KIF18A: variants seen among roughly 807,000 people sequenced by gnomAD.
The protein encoded by KIF18A is kinesin family member 18A.
A neutral mutation model predicts 103.3 loss-of-function variants in KIF18A; 67 were observed. The observed-to-expected ratio is 0.65, with a 90% CI of 0.53 to 0.79. The LOEUF (loss-of-function observed/expected upper bound fraction) is 0.79, where lower values mean the gene tolerates loss of function less well. Among genes scored for constraint, KIF18A ranks in the 30% least tolerant of loss-of-function variants. KIF18A has a pLI of 0.00. For missense variants in KIF18A, 1,032 were observed against 1,062.5 expected (o/e 0.97, Z 0.40); for synonymous variants, 367 against 355.5 (o/e 1.03, Z -0.36).
chr11:28,078,504 T>A (rs1052945977), intron 9 of KIF18A, among the ~76,000 whole-genome samples: 1 of 152,098 alleles, frequency 6.6e-6, no homozygotes, highest in Admixed American at 6.6e-5. Flanking sequence ...AGGAAGGGAA[T>A]TGGTATCAAA....
At chr11:28,085,917 T>C (rs2133555756) in intron 6 of KIF18A, among the ~76,000 whole-genome samples, 1 of 152,314 alleles carries the variant, frequency 6.6e-6, no homozygotes, top group Middle Eastern at 3.4e-3. Context: ...ATTGAGGTGA[T>C]GACAAAGAAT....
chr11:28,092,738 T>C (rs1039244705), intron 3 of KIF18A, among the ~76,000 whole-genome samples: 5 of 151,836 alleles, frequency 3.3e-5, no homozygotes, highest in Admixed American at 6.5e-5. Context: ...AAGTAGCTCA[T>C]AGTGATAATT....
At chr11:28,091,353 T>C (rs1291087725) in intron 4 of KIF18A, 56 bp downstream of exon 4, 35 of 911,246 alleles carry the variant, frequency 3.8e-5, no homozygotes, top group South Asian at 7.7e-5. Context: ...CTGGTGAAAA[T>C]AGCTTAATAG....
At chr11:28,091,367 C>T in intron 4 of KIF18A, 42 bp downstream of exon 4, 1 of 1,055,932 alleles carries the variant, frequency 9.5e-7, no homozygotes, top group Non-Finnish European at 1.5e-6. Context: ...TTAATAGTCA[C>T]ATTTGCTATT....
At chr11:28,075,155 CTT>C (rs1275981644) in intron 10 of KIF18A, among the ~76,000 whole-genome samples, 1 of 152,106 alleles carries the variant, frequency 6.6e-6, no homozygotes, top group African/African-American at 2.4e-5. Context: ...GACTTTTCTT[CTT>C]GTTACATGAA....
intron 1 of KIF18A, among the ~76,000 whole-genome samples, chr11:28,102,483 C>A (rs181688317): frequency 6.6e-6 from 1 of 152,154 alleles, no homozygotes; most frequent in Admixed American, 6.5e-5. Flanking sequence ...TGTACACTGA[C>A]CACTTTGGGC....
intron 11 of KIF18A, among the ~76,000 whole-genome samples, chr11:28,064,033 C>T (rs963383777): frequency 6.6e-6 from 1 of 151,388 alleles, no homozygotes; most frequent in African/African-American, 2.4e-5. Flanking sequence ...AACAATGTCA[C>T]TCATCCTATT....
intron 11 of KIF18A, among the ~76,000 whole-genome samples, chr11:28,066,524 C>G (rs1312004788): frequency 1.3e-5 from 2 of 151,534 alleles, no homozygotes; most frequent in East Asian, 3.9e-4. Flanking sequence ...TTTGCTTACT[C>G]CTTTTGAGTC....
chr11:28,049,868 C>T (rs1850690591), intron 13 of KIF18A, among the ~76,000 whole-genome samples: 1 of 151,770 alleles, frequency 6.6e-6, no homozygotes, highest in Non-Finnish European at 1.5e-5. Flanking sequence ...TGAATTTTAA[C>T]TATTTATAAG....
chr11:28,021,507 G>A (rs962880039), intron 16 of KIF18A, among the ~76,000 whole-genome samples: 17 of 152,120 alleles, frequency 1.1e-4, no homozygotes, highest in African/African-American at 3.4e-4. Flanking sequence ...CAGTGAGTGC[G>A]TGCACATACA....
At chr11:28,059,601 T>C (rs1850832743) in intron 12 of KIF18A, among the ~76,000 whole-genome samples, 1 of 152,054 alleles carries the variant, frequency 6.6e-6, no homozygotes, top group Non-Finnish European at 1.5e-5. Flanking sequence ...TGACTAATTT[T>C]TTTATTTTTT....
At position 28,097,906 on chromosome 11, in the gene KIF18A, T is replaced by C. The variant is rs765590347; in HGVS notation, c.42A>G (p.Val14=). 3.1e-6 allele frequency: 5 copies of C among 1,601,450 alleles called. No individual in the cohort carries two copies. The highest frequency in any genetic ancestry group is 1.7e-4 in the Middle Eastern group (1 of 6,018). ...TGTTTTCCGGACGTACACGAACTAC[T>C]ACTTTCATATGGTGGCACAGGTCTT... is the stretch of plus-strand genomic sequence containing the variant. ...TEEDLCHHMK[V]VVRVRPENTK... is the part of the protein sequence containing the mutation. The change falls in exon 2 of 17, where the codon GTA becomes GTG. Residue 14 remains valine (V), a synonymous_variant. Transcript: ENST00000263181.
At chr11:28,068,600 T>C (rs1021035013) in intron 11 of KIF18A, among the ~76,000 whole-genome samples, 1 of 152,126 alleles carries the variant, frequency 6.6e-6, no homozygotes, top group African/African-American at 2.4e-5. Context: ...TCTCCTGATA[T>C]AGACATCCCT....
At chr11:28,097,034 A>C (rs1851385251) in intron 2 of KIF18A, among the ~76,000 whole-genome samples, 1 of 152,028 alleles carries the variant, frequency 6.6e-6, no homozygotes, top group Non-Finnish European at 1.5e-5. Flanking sequence ...TTTTTATTTT[A>C]GGTTTGGGGG....
At chr11:28,085,237 C>T (rs1380061973) in intron 6 of KIF18A, among the ~76,000 whole-genome samples, 1 of 151,902 alleles carries the variant, frequency 6.6e-6, no homozygotes, top group African/African-American at 2.4e-5. Context: ...GGGAAGACAC[C>T]CATTACTTAG....
chr11:28,089,627 A>G (rs1030050548), intron 5 of KIF18A, among the ~76,000 whole-genome samples: 7 of 152,196 alleles, frequency 4.6e-5, no homozygotes, highest in Non-Finnish European at 8.8e-5. Flanking sequence ...TTGTAATCTT[A>G]TGGGACCACT....
chr11:28,065,475 C>G (rs1456915176), intron 11 of KIF18A, among the ~76,000 whole-genome samples: 1 of 151,876 alleles, frequency 6.6e-6, no homozygotes, highest in Non-Finnish European at 1.5e-5. Flanking sequence ...TTCAGGTGTA[C>G]AAAAGTTCTT....
chr11:28,065,335 T>C (rs1850904417), intron 11 of KIF18A, among the ~76,000 whole-genome samples: 1 of 152,026 alleles, frequency 6.6e-6, no homozygotes, highest in Non-Finnish European at 1.5e-5. Flanking sequence ...GCTATAAATA[T>C]CTGCACAAAA....
intron 10 of KIF18A, among the ~76,000 whole-genome samples, chr11:28,073,240 C>T (rs866373802): frequency 7.2e-5 from 11 of 151,926 alleles, no homozygotes; most frequent in African/African-American, 2.4e-4. Context: ...GGAATTGGCA[C>T]GAAGTTTTGA....
Sources: gnomAD v4.1 joint callset for allele counts (sites outside exome capture counted in the v4.1 genomes callset) on GRCh38, gnomAD v4.1.1 for gene constraint, MANE v1.5 for transcripts, NCBI Gene and HGNC (gene_info 2026-07-23, HGNC 2026-07-21) for gene names.